UBR2: variants seen among roughly 807,000 people sequenced by gnomAD.
UBR2 encodes E3 ubiquitin-protein ligase UBR2.
Under a neutral mutation model 247.9 loss-of-function variants are expected in UBR2, and 92 were observed. The ratio of observed to expected loss-of-function variants is 0.37; its 90% CI spans 0.31 to 0.44. The LOEUF is 0.44. UBR2 is among the 20% of genes least tolerant of loss of function. UBR2 has a pLI of 1.00. For synonymous variants in UBR2, 672 were observed against 693.5 expected (o/e 0.97, Z 0.49); for missense variants, 1,613 against 2,112.6 (o/e 0.76, Z 4.64).
At chr6:42,635,676 C>A in intron 14 of UBR2, 130 bp downstream of exon 14, 1 of 1,096,436 alleles carries the variant, frequency 9.1e-7, no homozygotes, top group Non-Finnish European at 1.3e-6. Flanking sequence ...AGCGTATTTT[C>A]CTTCTCCACC....
At chr6:42,633,137 G>A (rs546220620) in intron 13 of UBR2, among the ~76,000 whole-genome samples, 2 of 150,830 alleles carry the variant, frequency 1.3e-5, no homozygotes, top group Admixed American at 6.6e-5. Flanking sequence ...GACTAGAGGC[G>A]CAGGCACGGG....
At chr6:42,614,942 CT>C (rs1183735327) in intron 8 of UBR2, 128 bp from the exon 9 acceptor site, 4 of 675,424 alleles carry the variant, frequency 5.9e-6, no homozygotes, top group Non-Finnish European at 9.2e-6. Context: ...ATATGTTTGC[CT>C]TTTCTGAATA....
chr6:42,681,103 C>T (rs1038894998), intron 42 of UBR2, among the ~76,000 whole-genome samples: 1 of 145,540 alleles, frequency 6.9e-6, no homozygotes, highest in African/African-American at 2.6e-5. Flanking sequence ...GCGGAGCTTG[C>T]AGTGAGCCGA....
chr6:42,690,335 A>G (rs924034029), intron 46 of UBR2, among the ~76,000 whole-genome samples: 4 of 152,232 alleles, frequency 2.6e-5, no homozygotes, highest in Admixed American at 2.0e-4. Flanking sequence ...CTGCGAGGCT[A>G]TGCCCATATG....
chr6:42,611,330 G>T (rs1005920037), intron 7 of UBR2, among the ~76,000 whole-genome samples: 1 of 151,236 alleles, frequency 6.6e-6, no homozygotes, highest in Admixed American at 6.6e-5. Context: ...ACGTGGTGGC[G>T]CATGCCTGTA....
In UBR2 at chr6:42,691,125, A is replaced by G; in HGVS notation, c.5220A>G (p.Ala1740=). ...GTGTCACAGAGGAAATTGGACATGC[A>G]CAGGAAGCCAATCAGACACTGGTTG... ...QHSVTEEIGH[A]QEANQTLVGI... is the part of the protein sequence containing the mutation. Residue 1740 remains alanine (A), a synonymous_variant, in exon 47 of 47, where the codon GCA becomes GCG. Coordinates refer to ENST00000372901, the MANE Select transcript of UBR2 (RefSeq NM_001363705.2). The G allele has an allele frequency of 6.2e-7, 1 of 1,614,244 alleles. No homozygotes were observed. The highest frequency in any genetic ancestry group is 8.5e-7 in the Non-Finnish European group (1 of 1,180,044).
At chr6:42,570,267 C>T (rs866700567) in intron 1 of UBR2, among the ~76,000 whole-genome samples, 49 of 152,382 alleles carry the variant, frequency 3.2e-4, no homozygotes, top group African/African-American at 1.1e-3. Context: ...GAGTCTCACT[C>T]TGTCCTCCAG....
intron 4 of UBR2, among the ~76,000 whole-genome samples, chr6:42,600,573 C>T (rs562119245): frequency 4.5e-5 from 6 of 132,126 alleles, no homozygotes; most frequent in African/African-American, 1.8e-4. Flanking sequence ...AATTTGTGTA[C>T]GGAGATGGCA....
chr6:42,631,889 TAA>T lies in UBR2; in HGVS notation c.1282-661_1282-660del, dbSNP rs1310740130. ...ATATATATATATATATATATATATA[TAA>T]ATACAGGTTCTGTAATTATATATAT... On this transcript the variant is annotated intron_variant, in intron 11 of 46. Coordinates refer to ENST00000372901, the MANE Select transcript of UBR2 (RefSeq NM_001363705.2). 1.2e-3 allele frequency among the ~76,000 whole-genome samples: 161 copies of T among 134,770 alleles called. 4 individuals carry two copies. The highest frequency in any genetic ancestry group is 1.7e-3 in the African/African-American group (61 of 36,138). The allele number at this position is 134,770 out of a possible 152,430, so 88.4% of individuals were successfully genotyped here.
At chr6:42,614,316 A>G (rs1001112143) in intron 8 of UBR2, among the ~76,000 whole-genome samples, 1 of 111,372 alleles carries the variant, frequency 9.0e-6, no homozygotes, top group African/African-American at 3.8e-5. Context: ...GTATATGGGT[A>G]TGTATATATG....
chr6:42,578,262 C>T (rs1241990822), intron 2 of UBR2, among the ~76,000 whole-genome samples: 1 of 152,138 alleles, frequency 6.6e-6, no homozygotes, highest in Non-Finnish European at 1.5e-5. Context: ...TTTCCACAAG[C>T]TTACTGTAAT....
chr6:42,670,748 G>T, intron 36 of UBR2, 33 bp downstream of exon 36: 1 of 1,564,702 alleles, frequency 6.4e-7, no homozygotes, highest in Non-Finnish European at 8.7e-7. Flanking sequence ...TCATGATAGT[G>T]GGGCATGGAA....
chr6:42,577,027 G>A (rs535214190), intron 2 of UBR2, among the ~76,000 whole-genome samples: 1 of 152,288 alleles, frequency 6.6e-6, no homozygotes, highest in East Asian at 1.9e-4. Flanking sequence ...GATCCTTTGT[G>A]TGTAGTACTT....
intron 20 of UBR2, among the ~76,000 whole-genome samples, chr6:42,645,022 C>A (rs1796673961): frequency 6.6e-6 from 1 of 152,048 alleles, no homozygotes; most frequent in Non-Finnish European, 1.5e-5. Context: ...CTGTTTTAGA[C>A]CCCCTGCAGT....
intron 2 of UBR2, among the ~76,000 whole-genome samples, chr6:42,579,989 G>A (rs1277095816): frequency 6.6e-6 from 1 of 152,000 alleles, no homozygotes; most frequent in Non-Finnish European, 1.5e-5. Context: ...AGTAAGGACA[G>A]GCCATAGTTT....
In UBR2 at chr6:42,673,867, A is replaced by T. The variant is rs1349006496; in HGVS notation, c.4163A>T (p.His1388Leu). 6.2e-7 allele frequency: 1 copy of T among 1,613,482 alleles called. No homozygotes were observed. Among genetic ancestry groups the T allele is most frequent in the Admixed American group, 1.7e-5 (1 of 59,906 alleles). The change falls in exon 37 of 47, where the codon CAT becomes CTT. Residue 1388 changes from histidine to leucine, a missense_variant. By Grantham distance (99) the His-to-Leu change is moderately conservative (BLOSUM62 -3). This residue lies in a region of UBR2 where 1,524 missense variants were observed against 1,967.3 expected (regional missense o/e 0.77). Transcript: ENST00000372901. ...TVASVSVVQG[H>L]FCKLFASLVP... ...GCATCAGTTTCAGTGGTGCAAGGAC[A>T]TTTTTGTAAACTTTTTGCATGTGAG...
chr6:42,674,512 C>A (rs1005912316), intron 38 of UBR2, among the ~76,000 whole-genome samples: 2 of 151,970 alleles, frequency 1.3e-5, no homozygotes, highest in African/African-American at 2.4e-5. Context: ...GCCTGTAATC[C>A]CAGCACTTTG....
At chr6:42,593,732 A>G (rs1792806771) in intron 3 of UBR2, among the ~76,000 whole-genome samples, 1 of 152,298 alleles carries the variant, frequency 6.6e-6, no homozygotes, top group Non-Finnish European at 1.5e-5. Context: ...AGAGAAGAAA[A>G]ATTAACTATT....
At position 42,636,431 on chromosome 6, in the gene UBR2, G is replaced by A. The variant is rs372242907; in HGVS notation, c.1675-580G>A. On this transcript the variant is annotated intron_variant, in intron 14 of 46. Coordinates refer to ENST00000372901, the MANE Select transcript of UBR2 (RefSeq NM_001363705.2). ...TGGGCTCAAGCGATCTGCTTGCCTC[G>A]GCCTCCCAAAGTCTTGGAATTACCA... 4.1e-4 allele frequency among the ~76,000 whole-genome samples: 63 copies of A among 151,904 alleles called. No individual in the cohort carries two copies. The East Asian group carries it at 0.012, about 29-fold the overall frequency.
Sources: allele counts gnomAD v4.1 joint callset (sites outside exome capture counted in the v4.1 genomes callset), GRCh38; gene constraint gnomAD v4.1.1; regional missense constraint gnomAD v4.1.1; transcripts MANE v1.5; gene names NCBI Gene and HGNC (gene_info 2026-07-23, HGNC 2026-07-21).